Variants in BABAM2 observed in about 807,000 individuals in gnomAD.
BABAM2 encodes the protein BRISC and BRCA1-A complex member 2.
Under a neutral mutation model 54.7 loss-of-function variants are expected in BABAM2, and 31 were observed. The observed-to-expected ratio is 0.57, with a 90% CI of 0.43 to 0.77. The LOEUF (loss-of-function observed/expected upper bound fraction) is 0.77, where lower values mean the gene tolerates loss of function less well. BABAM2 is among the 30% of genes least tolerant of loss of function. BABAM2 has a pLI of 0.00. For missense variants in BABAM2, 364 were observed against 455.8 expected, an observed-to-expected ratio of 0.80 and a Z score of 1.83; for synonymous variants, 167 against 162.9, an observed-to-expected ratio of 1.03 and a Z score of -0.19.
intron 8 of BABAM2, among the ~76,000 whole-genome samples, chr2:28,240,489 C>G (rs1682311328): frequency 6.6e-6 from 1 of 152,146 alleles, no homozygotes; most frequent in Non-Finnish European, 1.5e-5. Context: ...CATACACACA[C>G]TCAAGGAGGC....
chr2:28,315,421 T>TTTTTCTTTTC (rs3032180), intron 11 of BABAM2, among the ~76,000 whole-genome samples: 5,581 of 110,094 alleles, frequency 0.051, 291 homozygotes, highest in African/African-American at 0.066. Context: ...GTGTGGTTCT[T>TTTTTCTTTTC]TTTTCTTTTC....
chr2:28,202,500 A>G (rs143970111), intron 7 of BABAM2, among the ~76,000 whole-genome samples: 1,707 of 152,268 alleles, frequency 0.011, 26 homozygotes, highest in South Asian at 0.051. Flanking sequence ...GAAGTTCCCC[A>G]AAGAATAGAA....
At chr2:27,975,459 C>G (rs1182466362) in intron 3 of BABAM2, among the ~76,000 whole-genome samples, 1 of 151,992 alleles carries the variant, frequency 6.6e-6, no homozygotes, top group Non-Finnish European at 1.5e-5. Context: ...CACAAAAACG[C>G]AAAGGCACTT....
chr2:27,902,325 T>C (rs1214000885), intron 2 of BABAM2, among the ~76,000 whole-genome samples: 1 of 152,258 alleles, frequency 6.6e-6, no homozygotes, highest in Non-Finnish European at 1.5e-5. Context: ...TTTGTGAATT[T>C]TCATTTCGGT....
intron 5 of BABAM2, among the ~76,000 whole-genome samples, chr2:28,029,779 G>A (rs1420460060): frequency 1.3e-5 from 2 of 152,140 alleles, no homozygotes; most frequent in Admixed American, 6.6e-5. Flanking sequence ...TTTCCATACT[G>A]TTTCCTTAAG....
chr2:27,897,875 A>T (rs1054998751), intron 2 of BABAM2, among the ~76,000 whole-genome samples: 1 of 152,184 alleles, frequency 6.6e-6, no homozygotes, highest in African/African-American at 2.4e-5. Context: ...TCCATCTGTA[A>T]TTGAAGTCAT....
At position 27,988,075 on chromosome 2, in the gene BABAM2, C is replaced by G. The variant is rs764593436; in HGVS notation, c.288C>G (p.Pro96=). ...AAGATGCTGAATTCCTGCCAGACCC[C>G]TCAGCTTTGCAGGTGAGTACTGCAG... ...FGEDAEFLPD[P]SALQNLASWN... Residue 96 remains proline, a synonymous_variant, in exon 4 of 12, where the codon CCC becomes CCG. Coordinates refer to ENST00000379624, the MANE Select transcript of BABAM2 (RefSeq NM_199191.3). 6.2e-7 allele frequency: 1 copy of G among 1,613,156 alleles called. No individual in the cohort carries two copies. Among genetic ancestry groups the G allele is most frequent in the Non-Finnish European group, 8.5e-7 (1 of 1,179,336 alleles).
In BABAM2 at chr2:28,019,020, G is replaced by A. The variant is rs191830324; in HGVS notation, c.301-6206G>A. ...CCCCTTACCCCCCAACCCTTGACAG[G>A]CCCCAGTGTGTGAAGTTCCCCTCCC... On this transcript the variant is annotated intron_variant, in intron 4 of 11. Transcript: ENST00000379624. Among the ~76,000 whole-genome samples, 3 of 151,988 alleles carry A rather than the reference G, an allele frequency of 2.0e-5. No individual in the cohort carries two copies. The East Asian group carries it at 5.8e-4, about 29-fold the overall frequency.
chr2:28,115,466 A>T (rs368127495), intron 6 of BABAM2, among the ~76,000 whole-genome samples: 14 of 152,104 alleles, frequency 9.2e-5, no homozygotes, highest in African/African-American at 3.1e-4. Context: ...CTCTACTAAA[A>T]ATACAAAAAA....
chr2:28,107,068 T>C (rs1001841587), intron 6 of BABAM2, among the ~76,000 whole-genome samples: 1 of 152,160 alleles, frequency 6.6e-6, no homozygotes, highest in Non-Finnish European at 1.5e-5. Flanking sequence ...ACATAATATA[T>C]AGGTTACACA....
intron 11 of BABAM2, chr2:28,308,473 A>G: frequency 3.8e-6 from 2 of 529,624 alleles, no homozygotes; most frequent in Middle Eastern, 1.3e-3. Context: ...GTCAAAGCCA[A>G]CAAGCACCAG....
intron 2 of BABAM2, among the ~76,000 whole-genome samples, chr2:27,904,608 A>G (rs1666064545): frequency 6.6e-6 from 1 of 151,846 alleles, no homozygotes; most frequent in Admixed American, 6.5e-5. Context: ...AAAGCCATCA[A>G]CATGAAAGAC....
At chr2:28,127,041 C>G (rs1669610656) in intron 6 of BABAM2, among the ~76,000 whole-genome samples, 1 of 151,580 alleles carries the variant, frequency 6.6e-6, no homozygotes, top group African/African-American at 2.4e-5. Flanking sequence ...GGATATTAGC[C>G]CTTTGTCAGA....
chr2:28,216,688 C>G (rs1679945783), intron 7 of BABAM2, among the ~76,000 whole-genome samples: 1 of 152,188 alleles, frequency 6.6e-6, no homozygotes, highest in Non-Finnish European at 1.5e-5. Flanking sequence ...TATTAAGCAC[C>G]TACTGTGTAG....
intron 7 of BABAM2, among the ~76,000 whole-genome samples, chr2:28,174,770 G>T (rs1674738589): frequency 6.6e-6 from 1 of 152,164 alleles, no homozygotes; most frequent in Admixed American, 6.5e-5. Flanking sequence ...GTCCTAAGCA[G>T]CTGTAGCGTG....
intron 6 of BABAM2, among the ~76,000 whole-genome samples, chr2:28,083,594 C>G (rs1040115911): frequency 6.6e-6 from 1 of 152,280 alleles, no homozygotes; most frequent in Non-Finnish European, 1.5e-5. Context: ...CTCCCTTCCT[C>G]TTGGGACATG....
At chr2:27,965,824 C>G (rs940714173) in intron 3 of BABAM2, among the ~76,000 whole-genome samples, 1 of 151,774 alleles carries the variant, frequency 6.6e-6, no homozygotes, top group East Asian at 1.9e-4. Context: ...TCCTTTTTTT[C>G]TTTGTCTTTT....
chr2:27,991,322 A>G (rs1017307992), intron 4 of BABAM2, among the ~76,000 whole-genome samples: 3 of 152,202 alleles, frequency 2.0e-5, no homozygotes, highest in Admixed American at 6.5e-5. Flanking sequence ...TTTGCTTAAC[A>G]TTATTTCCAG....
rs1690775593 is a variant in BABAM2, at chr2:28,329,607, A to G, written c.1089-8843A>G. Among the ~76,000 whole-genome samples the G allele has an allele frequency of 6.6e-6, 1 of 152,246 alleles. No homozygotes were observed. The highest frequency in any genetic ancestry group is 6.5e-5 in the Admixed American group (1 of 15,286). Reference sequence around the variant, plus strand: ...ATGAAATGGATAAATTCCTGGACACATACACCCTCCCAAGACTGAACCAGA... The same window carrying G: ...ATGAAATGGATAAATTCCTGGACACGTACACCCTCCCAAGACTGAACCAGA... On this transcript the variant is annotated intron_variant, in intron 11 of 11. Transcript: ENST00000379624. The surrounding 1 kb of genome is among the most constrained non-coding windows in gnomAD (Gnocchi z 4.2).
Sources: gnomAD v4.1 joint callset for allele counts (sites outside exome capture counted in the v4.1 genomes callset) on GRCh38, gnomAD v4.1.1 for gene constraint, Gnocchi (gnomAD v3.1) non-coding constraint, MANE v1.5 for transcripts, NCBI Gene and HGNC (gene_info 2026-07-23, HGNC 2026-07-21) for gene names.